The following MYH9 variants were observed in gnomAD, a reference collection of about 807,000 sequenced individuals.
MYH9 encodes the protein myosin heavy chain 9, also known as myosin-9.
MYH9 carries 29 observed loss-of-function variants against 241.9 expected under a neutral mutation model. The ratio of observed to expected loss-of-function variants is 0.12; its 90% CI spans 0.09 to 0.16. MYH9 has a LOEUF of 0.16. MYH9 is among the 10% of genes least tolerant of loss of function. MYH9 has a pLI of 1.00. For missense variants in MYH9, 1,803 were observed against 2,595.5 expected, an observed-to-expected ratio of 0.69 and a Z score of 6.63; for synonymous variants, 1,047 against 1,062.6, an observed-to-expected ratio of 0.99 and a Z score of 0.29.
chr22:36,318,477 G>A (rs139973547), intron 10 of MYH9, 152 bp from the exon 11 acceptor site: 12,646 of 749,500 alleles, frequency 0.017, 148 homozygotes, highest in Non-Finnish European at 0.022. Context: ...TCATTACCAG[G>A]ACAACCGCAT....
In MYH9 at chr22:36,295,573, T is replaced by C; in HGVS notation, c.3417A>G (p.Glu1139=). The C allele has an allele frequency of 6.2e-7, 1 of 1,613,442 alleles. No homozygotes were observed. The highest frequency in any genetic ancestry group is 8.5e-7 in the Non-Finnish European group (1 of 1,179,576). ...KAEKQKRDLG[E]ELEALKTELE... ...ACTCTGTTTTCAGAGCCTCTAGCTC[T>C]TCCCCAAGGTCCCGTTTCTGCTTCT... Residue 1139 remains glutamate (E), a synonymous_variant, in exon 26 of 41, where the codon GAA becomes GAG. Transcript: ENST00000216181. This position sits in a 1 kb window ranked among gnomAD's most constrained non-coding sequence, Gnocchi z 4.1.
At chr22:36,296,755 C>A in intron 25 of MYH9, 88 bp downstream of exon 25, 1 of 1,402,282 alleles carries the variant, frequency 7.1e-7, no homozygotes, top group Non-Finnish European at 9.5e-7. Context: ...ATGCTCACAG[C>A]TCACTAGTGC....
At position 36,284,385 on chromosome 22, in the gene MYH9, C is replaced by A. The variant is rs2016543996; in HGVS notation, c.5592+18G>T. On this transcript the variant is annotated intron_variant, in intron 39 of 40. Coordinates refer to ENST00000216181, the MANE Select transcript of MYH9 (RefSeq NM_002473.6). ...CCCAGCCCCGCTGCCCTTCTCACTG[C>A]CCCACCAGCGCCCACACCTGGTCCT... The A allele has an allele frequency of 1.9e-6, 3 of 1,610,808 alleles. No individual in the cohort carries two copies. Among genetic ancestry groups the A allele is most frequent in the Non-Finnish European group, 2.5e-6 (3 of 1,179,770 alleles).
intron 1 of MYH9, among the ~76,000 whole-genome samples, chr22:36,386,145 C>T (rs929526810): frequency 4.6e-5 from 7 of 152,300 alleles, no homozygotes; most frequent in South Asian, 2.1e-4. Flanking sequence ...ATCCCCATGA[C>T]TCACAGTACC....
chr22:36,361,683 C>T (rs985002779), intron 1 of MYH9, among the ~76,000 whole-genome samples: 5 of 152,126 alleles, frequency 3.3e-5, no homozygotes, highest in Admixed American at 3.3e-4. Flanking sequence ...TAAACTGGGG[C>T]AGCTAACCCA....
chr22:36,311,209 G>A (rs949080866), intron 14 of MYH9, among the ~76,000 whole-genome samples: 5 of 152,222 alleles, frequency 3.3e-5, no homozygotes, highest in Admixed American at 6.5e-5. Flanking sequence ...TTTTGTCTAA[G>A]CATGCACCTC....
chr22:36,326,545 G>C, intron 5 of MYH9, 23 bp downstream of exon 5: 1 of 1,609,344 alleles, frequency 6.2e-7, no homozygotes, highest in Non-Finnish European at 8.5e-7. Flanking sequence ...GGCGGCCACA[G>C]GGACAAGGGC....
intron 2 of MYH9, among the ~76,000 whole-genome samples, chr22:36,345,604 C>T (rs1471945899): frequency 6.6e-6 from 1 of 152,218 alleles, no homozygotes; most frequent in Admixed American, 6.5e-5. Flanking sequence ...ACTGTGCTTC[C>T]TTAAAGCACA....
intron 2 of MYH9, among the ~76,000 whole-genome samples, chr22:36,343,034 C>T (rs1013100765): frequency 1.3e-5 from 2 of 152,206 alleles, no homozygotes; most frequent in Non-Finnish European, 2.9e-5. Flanking sequence ...GTCAACCCAG[C>T]CCCCTCCACC....
chr22:36,289,057 A>G, intron 32 of MYH9, 28 bp downstream of exon 32: 1 of 1,613,888 alleles, frequency 6.2e-7, no homozygotes, highest in Non-Finnish European at 8.5e-7. Context: ...GCCCTTCCCA[A>G]GACCTGGCTG....
chr22:36,323,157 T>A (rs986930762), intron 5 of MYH9, among the ~76,000 whole-genome samples: 1 of 151,076 alleles, frequency 6.6e-6, no homozygotes, highest in African/African-American at 2.5e-5. Flanking sequence ...CCAGGGTGCT[T>A]TGTGGTAGAC....
Position 36,293,515 on chromosome 22 carries a change from G to A in MYH9, c.3943-34C>T, listed in dbSNP as rs763781966. On this transcript the variant is annotated intron_variant, in intron 29 of 40. Coordinates refer to ENST00000216181, the MANE Select transcript of MYH9 (RefSeq NM_002473.6). This position sits in a 1 kb window ranked among gnomAD's most constrained non-coding sequence, Gnocchi z 5.1. ...GGGTTGAGAGGGGTGCGGGTGCTTA[G>A]GAGGGTGGTGTCCAAAACCCAGGAA... is the stretch of plus-strand genomic sequence containing the variant. The A allele has an allele frequency of 6.2e-7, 1 of 1,609,872 alleles. No homozygotes were observed. The highest frequency in any genetic ancestry group is 1.3e-5 in the African/African-American group (1 of 75,014).
chr22:36,316,508 A>T lies in MYH9; in HGVS notation c.1380+9T>A. ...GGCAGCAGGGTGGGTAATGAAGGGCAAGGCTCACATCAAAGATCTCGAAGC... is the reference window on the plus strand; with the variant it reads ...GGCAGCAGGGTGGGTAATGAAGGGCTAGGCTCACATCAAAGATCTCGAAGC... On this transcript the variant is annotated intron_variant, in intron 12 of 40. Coordinates refer to ENST00000216181, the MANE Select transcript of MYH9 (RefSeq NM_002473.6). 1 of 1,614,116 alleles carries T rather than the reference A, an allele frequency of 6.2e-7. No homozygotes were observed. Among genetic ancestry groups the T allele is most frequent in the Non-Finnish European group, 8.5e-7 (1 of 1,180,028 alleles).
chr22:36,333,805 A>C (rs1386291569), intron 3 of MYH9, among the ~76,000 whole-genome samples: 1 of 152,226 alleles, frequency 6.6e-6, no homozygotes, highest in East Asian at 1.9e-4. Context: ...TCTCTAAGCC[A>C]GAGCTGGAGA....
At chr22:36,296,440 TG>T (rs755245206) in intron 25 of MYH9, among the ~76,000 whole-genome samples, 10 of 151,960 alleles carry the variant, frequency 6.6e-5, no homozygotes, top group Non-Finnish European at 1.3e-4. Context: ...TTCACCATGT[TG>T]GCCAGGCTGG....
Position 36,374,652 on chromosome 22 carries a change from C to A in MYH9, c.-20+13155G>T, listed in dbSNP as rs539875742. Reference sequence around the variant, plus strand: ...GGCCACACAACCAGAGGGCGCAGGCCGCGTTCCCAGCATCCACCCCCAAGG... The same window carrying A: ...GGCCACACAACCAGAGGGCGCAGGCAGCGTTCCCAGCATCCACCCCCAAGG... On this transcript the variant is annotated intron_variant, in intron 1 of 40. Coordinates refer to ENST00000216181, the MANE Select transcript of MYH9 (RefSeq NM_002473.6). Among the ~76,000 whole-genome samples, 8 of 152,356 alleles carry A rather than the reference C, an allele frequency of 5.3e-5. No homozygotes were observed. The South Asian group carries it at 1.4e-3, about 28-fold the overall frequency.
rs761727597 is a variant in MYH9, at chr22:36,309,411, G to A, written c.1729-15C>T. 1.2e-6 allele frequency: 2 copies of A among 1,601,656 alleles called. No individual in the cohort carries two copies. Among genetic ancestry groups the A allele is most frequent in the Non-Finnish European group, 1.7e-6 (2 of 1,168,668 alleles). Reference sequence around the variant, plus strand: ...TTGTAATCCACCTGGCGGGGTCAGAGAGGCAGGAGTCACAAGCTGCGCTGG... The same window carrying A: ...TTGTAATCCACCTGGCGGGGTCAGAAAGGCAGGAGTCACAAGCTGCGCTGG... On this transcript the variant is annotated splice_polypyrimidine_tract_variant and intron_variant, in intron 14 of 40. Coordinates refer to ENST00000216181, the MANE Select transcript of MYH9 (RefSeq NM_002473.6).
chr22:36,381,712 A>C (rs1423400071), intron 1 of MYH9, among the ~76,000 whole-genome samples: 1 of 152,144 alleles, frequency 6.6e-6, no homozygotes, highest in Admixed American at 6.5e-5. Flanking sequence ...TTTTTCACTT[A>C]CAACATAGCT....
At chr22:36,301,503 C>G (rs200613952) in intron 21 of MYH9, 31 bp downstream of exon 21, 958 of 1,611,314 alleles carry the variant, frequency 5.9e-4, no homozygotes, top group Non-Finnish European at 7.6e-4. Context: ...GCAGGTCGTG[C>G]GACCTGGACT....
Sources: allele counts gnomAD v4.1 joint callset (sites outside exome capture counted in the v4.1 genomes callset), GRCh38; gene constraint gnomAD v4.1.1; non-coding constraint Gnocchi (gnomAD v3.1); transcripts MANE v1.5; gene names NCBI Gene and HGNC (gene_info 2026-07-23, HGNC 2026-07-21).